The following CHN2 variants were observed in gnomAD, a reference collection of about 807,000 sequenced individuals.
The protein encoded by CHN2 is beta-chimaerin.
Under a neutral mutation model 56.3 loss-of-function variants are expected in CHN2, and 35 were observed. The observed-to-expected ratio is 0.62, with a 90% CI of 0.47 to 0.82. CHN2 has a LOEUF of 0.82. Among genes scored for constraint, CHN2 ranks in the 40% least tolerant of loss-of-function variants. The pLI is 0.00. For missense variants in CHN2, 491 were observed against 580.5 expected (o/e 0.85, Z 1.58); for synonymous variants, 210 against 212.8 (o/e 0.99, Z 0.12).
intron 11 of CHN2, among the ~76,000 whole-genome samples, chr7:29,508,206 G>A (rs1216642510): frequency 1.3e-5 from 2 of 152,034 alleles, no homozygotes; most frequent in Admixed American, 6.6e-5. Context: ...CCATCAGCCC[G>A]GGGTTGCTCA....
At chr7:29,286,797 C>T (rs1461453148) in intron 1 of CHN2, among the ~76,000 whole-genome samples, 4 of 152,158 alleles carry the variant, frequency 2.6e-5, no homozygotes, top group African/African-American at 9.7e-5. Flanking sequence ...AAATATATCA[C>T]AAGCCTGTCT....
intron 1 of CHN2, among the ~76,000 whole-genome samples, chr7:29,300,756 G>C (rs1198531970): frequency 6.6e-6 from 1 of 152,116 alleles, no homozygotes; most frequent in African/African-American, 2.4e-5. Context: ...TTTTCCAAAA[G>C]CCCCTTTTTT....
chr7:29,439,351 A>C (rs1783463681), intron 6 of CHN2, among the ~76,000 whole-genome samples: 1 of 152,132 alleles, frequency 6.6e-6, no homozygotes, highest in African/African-American at 2.4e-5. Context: ...CATTCAGTAA[A>C]ATTGTTGAAC....
intron 1 of CHN2, among the ~76,000 whole-genome samples, chr7:29,263,975 G>GGGCA (rs1404593505): frequency 8.2e-6 from 1 of 121,980 alleles, no homozygotes; most frequent in Non-Finnish European, 1.7e-5. Context: ...GGAGGTGGGG[G>GGGCA]GGCAGCCCCC....
intron 1 of CHN2, among the ~76,000 whole-genome samples, chr7:29,238,308 G>A (rs944376284): frequency 1.3e-5 from 2 of 152,002 alleles, no homozygotes; most frequent in Non-Finnish European, 2.9e-5. Flanking sequence ...GTGAGCCACC[G>A]CACCCGCCCA....
chr7:29,370,629 A>G (rs1562554121), intron 3 of CHN2, among the ~76,000 whole-genome samples: 1 of 151,836 alleles, frequency 6.6e-6, no homozygotes, highest in Non-Finnish European at 1.5e-5. Flanking sequence ...GATGACTCAT[A>G]CTTTCCCGGG....
At chr7:29,413,469 A>T (rs1204991026) in intron 6 of CHN2, among the ~76,000 whole-genome samples, 23 of 152,228 alleles carry the variant, frequency 1.5e-4, no homozygotes, top group Non-Finnish European at 1.5e-5. Flanking sequence ...GACTTTTATT[A>T]TGTTAATCTC....
At chr7:29,427,811 C>CA (rs1326990171) in intron 6 of CHN2, among the ~76,000 whole-genome samples, 2 of 151,968 alleles carry the variant, frequency 1.3e-5, no homozygotes, top group Non-Finnish European at 1.5e-5. Context: ...CATGCACCAC[C>CA]ATGCCCAGAT....
chr7:29,341,342 A>T (rs1330235580), intron 1 of CHN2, among the ~76,000 whole-genome samples: 2 of 152,198 alleles, frequency 1.3e-5, no homozygotes, highest in Non-Finnish European at 2.9e-5. Flanking sequence ...GGCTGCCGAC[A>T]TGCCCATTCT....
chr7:29,220,750 C>T (rs1785730117), intron 1 of CHN2, among the ~76,000 whole-genome samples: 1 of 152,160 alleles, frequency 6.6e-6, no homozygotes, highest in African/African-American at 2.4e-5. Flanking sequence ...CAGTGTTACA[C>T]AAACTCTTAT....
At chr7:29,153,514 C>T (rs954328006) in intron 2 of CHN2, among the ~76,000 whole-genome samples, 4 of 152,168 alleles carry the variant, frequency 2.6e-5, no homozygotes, top group African/African-American at 7.2e-5. Flanking sequence ...AGGATGAAGA[C>T]CTTTATGGTG....
chr7:29,250,440 C>A (rs749519605), intron 1 of CHN2, among the ~76,000 whole-genome samples: 6 of 152,156 alleles, frequency 3.9e-5, no homozygotes, highest in Non-Finnish European at 8.8e-5. Context: ...TTATGCTTCA[C>A]CCATGTAAGG....
intron 1 of CHN2, among the ~76,000 whole-genome samples, chr7:29,263,229 C>T (rs1428330750): frequency 2.6e-5 from 4 of 152,202 alleles, no homozygotes; most frequent in African/African-American, 4.8e-5. Flanking sequence ...GGGGTTTCGC[C>T]GTGTTGGCCG....
At chr7:29,487,221 GTTTGT>G (rs1269743030) in intron 7 of CHN2, among the ~76,000 whole-genome samples, 1 of 148,558 alleles carries the variant, frequency 6.7e-6, no homozygotes, top group East Asian at 2.0e-4. Flanking sequence ...TTTTTTGTTT[GTTTGT>G]TTTGTTTTGT....
intron 1 of CHN2, among the ~76,000 whole-genome samples, chr7:29,244,740 A>C (rs1584850274): frequency 6.6e-6 from 1 of 152,202 alleles, no homozygotes; most frequent in African/African-American, 2.4e-5. Flanking sequence ...TTTCATCCCA[A>C]TTCTGCCATA....
chr7:29,330,698 A>G (rs1018490539), intron 1 of CHN2, among the ~76,000 whole-genome samples: 7 of 152,220 alleles, frequency 4.6e-5, no homozygotes, highest in Non-Finnish European at 7.3e-5. Flanking sequence ...GAAGAAAAGG[A>G]AAACAACCCC....
intron 1 of CHN2, among the ~76,000 whole-genome samples, chr7:29,337,620 G>A (rs1047120037): frequency 3.9e-5 from 6 of 152,204 alleles, no homozygotes; most frequent in South Asian, 4.1e-4. Context: ...AGGCTGCCAC[G>A]GGGTGACAGG....
chr7:29,369,265 T>G (rs994294844), intron 3 of CHN2, among the ~76,000 whole-genome samples: 4 of 152,116 alleles, frequency 2.6e-5, no homozygotes, highest in African/African-American at 9.7e-5. Flanking sequence ...TAGAGGAGTT[T>G]AAATGTCTCA....
At chr7:29,460,836 G>A (rs1480045007) in intron 6 of CHN2, among the ~76,000 whole-genome samples, 3 of 152,216 alleles carry the variant, frequency 2.0e-5, no homozygotes, top group Non-Finnish European at 4.4e-5. Context: ...GCCTTGTTCT[G>A]AGGCAACTCC....
Sources: gnomAD v4.1 joint callset for allele counts (sites outside exome capture counted in the v4.1 genomes callset) on GRCh38, gnomAD v4.1.1 for gene constraint, MANE v1.5 for transcripts, NCBI Gene and HGNC (gene_info 2026-07-23, HGNC 2026-07-21) for gene names.